Variants in PALD1 observed in about 807,000 individuals in gnomAD.
The protein encoded by PALD1 is paladin.
In PALD1, 57 loss-of-function variants were observed where a neutral mutation model predicts 96.0. The ratio of observed to expected loss-of-function variants is 0.59; its 90% CI spans 0.48 to 0.74. The LOEUF (loss-of-function observed/expected upper bound fraction) is 0.74, where lower values mean the gene tolerates loss of function less well. PALD1 is among the 30% of genes least tolerant of loss of function. The probability of loss-of-function intolerance (pLI) is 0.00; values close to 1 mark genes in which losing one functional copy is unlikely to be tolerated. For synonymous variants in PALD1, 464 were observed against 473.6 expected (o/e 0.98, Z 0.26); for missense variants, 1,063 against 1,143.7 (o/e 0.93, Z 1.02).
In PALD1 at chr10:70,539,605, A is replaced by G. The variant is rs1366788403; in HGVS notation, c.1751A>G (p.His584Arg). 1.2e-6 allele frequency: 2 copies of G among 1,611,396 alleles called. No individual in the cohort carries two copies. Among genetic ancestry groups the G allele is most frequent in the Admixed American group, 1.7e-5 (1 of 59,746 alleles). ...LETLEAQLKA[H>R]LSEPPPGKEG... is the part of the protein sequence containing the mutation. ...ACCCTGGAGGCCCAGCTGAAGGCCC[A>G]TCTAAGCGAGCCTCCCCCAGGCAAG... is the stretch of plus-strand genomic sequence containing the variant. The change falls in exon 15 of 20, where the codon CAT becomes CGT. Residue 584 changes from histidine to arginine, a missense_variant. Physicochemically the swap from His to Arg is conservative, Grantham distance 29. Coordinates refer to ENST00000263563, the MANE Select transcript of PALD1 (RefSeq NM_014431.3). This position sits in a 1 kb window ranked among gnomAD's most constrained non-coding sequence, Gnocchi z 4.5.
intron 18 of PALD1, among the ~76,000 whole-genome samples, chr10:70,549,881 C>A (rs2132420014): frequency 6.6e-6 from 1 of 152,290 alleles, no homozygotes; most frequent in South Asian, 2.1e-4. Flanking sequence ...AGAGAGGAAG[C>A]AGAGCCAGCT....
At chr10:70,530,283 G>A (rs1846966057) in intron 4 of PALD1, among the ~76,000 whole-genome samples, 2 of 152,204 alleles carry the variant, frequency 1.3e-5, no homozygotes, top group South Asian at 2.1e-4. Flanking sequence ...AGTGGATGGC[G>A]GGGCACAAGG....
In PALD1 at chr10:70,539,707, C is replaced by T. The variant is rs367764471; in HGVS notation, c.1853C>T (p.Pro618Leu). 15 of 1,613,442 alleles carry T rather than the reference C, an allele frequency of 9.3e-6. No homozygotes were observed. In the African/African-American group the frequency reaches 2.0e-4, roughly 22 times the overall value. The stretch of plus-strand genomic sequence containing the variant: ...TTCAGCCAGCACCGCAGGGCCTGTC[C>T]TGGCCTCACCTACCACCGCATCCCC... ...EVFSQHRRAC[P>L]GLTYHRIPMP... The change falls in exon 15 of 20, where the codon CCT becomes CTT. Residue 618 changes from proline to leucine, a missense_variant. By Grantham distance (98) the Pro-to-Leu change is moderately conservative. Coordinates refer to ENST00000263563, the MANE Select transcript of PALD1 (RefSeq NM_014431.3). This position sits in a 1 kb window ranked among gnomAD's most constrained non-coding sequence, Gnocchi z 4.5.
At chr10:70,529,132 G>T (rs1364733914) in intron 2 of PALD1, 97 bp from the exon 3 acceptor site, 5 of 648,152 alleles carry the variant, frequency 7.7e-6, no homozygotes, top group Admixed American at 2.2e-5. Flanking sequence ...GTAGCCACAG[G>T]GGTTTTCCTG....
intron 1 of PALD1, among the ~76,000 whole-genome samples, chr10:70,501,903 C>G (rs1359014600): frequency 1.3e-5 from 2 of 150,884 alleles, no homozygotes; most frequent in Admixed American, 6.6e-5. Context: ...TTTAATGGAA[C>G]AAAACTCTAA....
chr10:70,494,770 G>T (rs1010365115), intron 1 of PALD1, among the ~76,000 whole-genome samples: 12 of 152,238 alleles, frequency 7.9e-5, no homozygotes, highest in Non-Finnish European at 1.3e-4. Context: ...TGTGGAAGGG[G>T]ACTGGTCATG....
chr10:70,490,635 A>G (rs922909939), intron 1 of PALD1, among the ~76,000 whole-genome samples: 1 of 152,194 alleles, frequency 6.6e-6, no homozygotes, highest in African/African-American at 2.4e-5. Context: ...CCAATGAACA[A>G]TTACTTTAAT....
chr10:70,460,741 T>C, the PALD1 span, among the ~76,000 whole-genome samples: 1 of 152,106 alleles, frequency 6.6e-6, no homozygotes, highest in Non-Finnish European at 1.5e-5. Flanking sequence ...CTTCAGTGCC[T>C]CTCATTGCCT....
intron 1 of PALD1, among the ~76,000 whole-genome samples, chr10:70,484,546 G>GT (rs764924623): frequency 0.01 from 1,509 of 144,788 alleles, 7 homozygotes; most frequent in African/African-American, 0.022. Flanking sequence ...TTTATTGTTT[G>GT]TTTTTTTTTT....
chr10:70,498,885 C>T (rs1846242285), intron 1 of PALD1, among the ~76,000 whole-genome samples: 1 of 151,658 alleles, frequency 6.6e-6, no homozygotes, highest in Non-Finnish European at 1.5e-5. Flanking sequence ...CCAAGATCGC[C>T]CCATTGCACT....
chr10:70,542,114 C>A (rs886462083), intron 17 of PALD1, among the ~76,000 whole-genome samples: 18 of 152,062 alleles, frequency 1.2e-4, no homozygotes, highest in Non-Finnish European at 2.2e-4. Context: ...TACTGGTTAA[C>A]TTCGCCACTT....
At position 70,478,811 on chromosome 10, in the gene PALD1, G is replaced by C. The variant is rs1845873159; in HGVS notation, c.-278G>C. The C allele has an allele frequency of 6.6e-6, 1 of 151,560 alleles. No homozygotes were observed. The highest frequency in any genetic ancestry group is 2.4e-5 in the African/African-American group (1 of 41,382). 9.4% of individuals were successfully genotyped at this position (151,560 alleles called of 1,614,324 possible). A position where few individuals can be genotyped will look rare whatever the true frequency, so the allele number is the denominator to read the frequency against. ...CTGGGGAGCAGCGCGGCGCGCACGG[G>C]CCGGGGCGCGCAGGTCCCGTCGCCG... On this transcript the variant is annotated 5_prime_UTR_variant, in exon 1 of 20. Transcript: ENST00000263563.
upstream of PALD1, among the ~76,000 whole-genome samples, chr10:70,475,197 G>C (rs529854581): frequency 4.6e-5 from 7 of 152,332 alleles, no homozygotes; most frequent in East Asian, 1.4e-3. Flanking sequence ...AGTTGCTGTG[G>C]CTAGATCCAA....
upstream of PALD1, among the ~76,000 whole-genome samples, chr10:70,474,879 C>T (rs1845803843): frequency 6.6e-6 from 1 of 152,114 alleles, no homozygotes; most frequent in Non-Finnish European, 1.5e-5. Context: ...GGGAAGGATT[C>T]CAGAGTGGAC....
rs552138802 is a variant in PALD1 at position 70,505,595 on chromosome 10, ACT to A, written c.-29-20325_-29-20324del. On this transcript the variant is annotated intron_variant, in intron 1 of 19. Transcript: ENST00000263563. Reference sequence around the variant, plus strand: ...CTCCAGCCTGGGCAACAAGAGAGAAACTCTGTCTCAAAACAAAACAAAACAAA... The same window carrying A: ...CTCCAGCCTGGGCAACAAGAGAGAAACTGTCTCAAAACAAAACAAAACAAA... 8.9e-5 allele frequency among the ~76,000 whole-genome samples: 13 copies of A among 145,584 alleles called. No homozygotes were observed. The South Asian group carries it at 2.9e-3, about 33-fold the overall frequency.
chr10:70,537,703 G>A, intron 10 of PALD1, 108 bp from the exon 11 acceptor site: 1 of 705,894 alleles, frequency 1.4e-6, no homozygotes, highest in Non-Finnish European at 2.5e-6. Context: ...GGGAGGGAAA[G>A]ACTGTCTTCT....
At chr10:70,482,136 G>A (rs1296980103) in intron 1 of PALD1, among the ~76,000 whole-genome samples, 1 of 152,192 alleles carries the variant, frequency 6.6e-6, no homozygotes, top group Non-Finnish European at 1.5e-5. Flanking sequence ...GCCTCTGGGT[G>A]AGGTCTGGAG....
chr10:70,475,448 ACATGAT>A (rs1845811698), upstream of PALD1, among the ~76,000 whole-genome samples: 1 of 152,172 alleles, frequency 6.6e-6, no homozygotes, highest in Non-Finnish European at 1.5e-5. Flanking sequence ...TGAAGGGTGC[ACATGAT>A]CCCTGTTCTT....
At position 70,532,750 on chromosome 10, in the gene PALD1, A is replaced by C; in HGVS notation, c.763A>C (p.Lys255Gln). The C allele has an allele frequency of 6.2e-7, 1 of 1,614,112 alleles. No homozygotes were observed. The highest frequency in any genetic ancestry group is 8.5e-7 in the Non-Finnish European group (1 of 1,180,008). The change falls in exon 6 of 20, where the codon AAG becomes CAG. Residue 255 changes from lysine to glutamine, a missense_variant. Coordinates refer to ENST00000263563, the MANE Select transcript of PALD1 (RefSeq NM_014431.3). ...CTTGCATGTGACGGAGGAGGTGTAC[A>C]AGCGGCCCCTCTTCCTGCAGCCCAC... Reference protein sequence around the residue: ...DDLHVTEEVYKRPLFLQPTYR... With the variant: ...DDLHVTEEVYQRPLFLQPTYR...
Sources: gnomAD v4.1 joint callset for allele counts (sites outside exome capture counted in the v4.1 genomes callset) on GRCh38, gnomAD v4.1.1 for gene constraint, Gnocchi (gnomAD v3.1) non-coding constraint, MANE v1.5 for transcripts, NCBI Gene and HGNC (gene_info 2026-07-23, HGNC 2026-07-21) for gene names.